The following CNGB3 variants were observed in gnomAD, a reference collection of about 807,000 sequenced individuals.
The protein encoded by CNGB3 is cyclic nucleotide-gated channel beta-3.
In CNGB3, 86 loss-of-function variants were observed where a neutral mutation model predicts 92.8. The observed-to-expected ratio is 0.93, with a 90% confidence interval of 0.78 to 1.11. CNGB3 has a LOEUF of 1.11. Ranked by LOEUF, CNGB3 falls within the 50% of genes least tolerant of loss-of-function variation. The pLI, the probability that CNGB3 is intolerant of heterozygous loss-of-function variation, is 0.00. For synonymous variants in CNGB3, 333 were observed against 332.7 expected (o/e 1.00, Z -0.01); for missense variants, 1,026 against 956.8 (o/e 1.07, Z -0.95).
At chr8:86,661,824 T>C (rs1823645514) in intron 6 of CNGB3, 11 of 1,504,316 alleles carry the variant, frequency 7.3e-6, no homozygotes, top group Non-Finnish European at 7.4e-6. Context: ...AAGGTAATTG[T>C]TGTTCTCAGT....
chr8:86,672,772 G>A (rs1057449447), intron 3 of CNGB3, among the ~76,000 whole-genome samples: 2 of 152,122 alleles, frequency 1.3e-5, no homozygotes, highest in African/African-American at 4.8e-5. Context: ...GACTACCCAT[G>A]TTTTTCTCTC....
intron 15 of CNGB3, among the ~76,000 whole-genome samples, chr8:86,583,344 T>A (rs574737556): frequency 6.6e-6 from 1 of 152,304 alleles, no homozygotes; most frequent in South Asian, 2.1e-4. Context: ...CATTCTGTTG[T>A]AAGGCACCAC....
At chr8:86,667,695 C>A (rs1173270729) in intron 5 of CNGB3, among the ~76,000 whole-genome samples, 1 of 152,144 alleles carries the variant, frequency 6.6e-6, no homozygotes, top group Non-Finnish European at 1.5e-5. Context: ...CAATGTGAAG[C>A]CATGGAAGAA....
intron 6 of CNGB3, chr8:86,658,602 C>T: frequency 2.8e-6 from 1 of 353,988 alleles, no homozygotes; most frequent in Non-Finnish European, 5.4e-6. Flanking sequence ...CTGCAGGTGA[C>T]CCAGGTACTG....
chr8:86,596,190 C>A (rs1277311910), intron 15 of CNGB3, among the ~76,000 whole-genome samples: 1 of 151,944 alleles, frequency 6.6e-6, no homozygotes, highest in African/African-American at 2.4e-5. Context: ...TAGAGAACTG[C>A]AAATTAAAAT....
rs1333947613 is a variant in CNGB3, at chr8:86,695,317, G to GGGGAGA, written c.339-24225_339-24220dup. On this transcript the variant is annotated intron_variant, in intron 3 of 17. Transcript: ENST00000320005. ...AGAGGGAGAGGGAGACCATGGGGAG[G>GGGGAGA]GGGAGAGGGAGAGGGAGAGGGAGAG... 1.2e-3 allele frequency among the ~76,000 whole-genome samples: 179 copies of GGGGAGA among 151,942 alleles called. 2 individuals carry two copies. Among genetic ancestry groups the GGGGAGA allele is most frequent in the African/African-American group, 4.2e-3 (173 of 41,424 alleles).
In CNGB3 at chr8:86,604,106, A is replaced by G. The variant is rs1234681080; in HGVS notation, c.1768T>C (p.Phe590Leu). ...TCTTTCAGATACCTGATTTCTCCAA[A>G]CACCGACCCAGCTTTCAGAGTAACC... ...VLVTLKAGSV[F>L]GEISLLAAGG... The change falls in exon 15 of 18, where the codon TTT becomes CTT. Residue 590 changes from phenylalanine to leucine, a missense_variant. Physicochemically the swap from Phe to Leu is conservative, Grantham distance 22 (BLOSUM62 0). Coordinates refer to ENST00000320005, the MANE Select transcript of CNGB3 (RefSeq NM_019098.5). 6.2e-7 allele frequency: 1 copy of G among 1,611,228 alleles called. No individual in the cohort carries two copies. Among genetic ancestry groups the G allele is most frequent in the South Asian group, 1.1e-5 (1 of 91,008 alleles).
chr8:86,593,384 C>G (rs1001203512), intron 15 of CNGB3, among the ~76,000 whole-genome samples: 3 of 152,154 alleles, frequency 2.0e-5, no homozygotes, highest in Admixed American at 6.5e-5. Context: ...TCAAAGAAGC[C>G]TATACTAATA....
At chr8:86,714,690 G>A (rs567527223) in intron 3 of CNGB3, among the ~76,000 whole-genome samples, 1 of 146,080 alleles carries the variant, frequency 6.8e-6, no homozygotes, top group African/African-American at 2.4e-5. Context: ...GGCTCCCTGA[G>A]ATGCTGAAAA....
chr8:86,593,923 G>T (rs1822111090), intron 15 of CNGB3: 4 of 572,036 alleles, frequency 7.0e-6, no homozygotes, highest in South Asian at 3.3e-5. Context: ...TGTGCCAGGG[G>T]CAGAAGGAGT....
intron 3 of CNGB3, among the ~76,000 whole-genome samples, chr8:86,725,430 G>A (rs989114002): frequency 2.2e-4 from 33 of 152,106 alleles, no homozygotes; most frequent in African/African-American, 7.7e-4. Flanking sequence ...TAAATAATTA[G>A]TTGTTCTCTT....
At chr8:86,722,942 C>A (rs756814046) in intron 3 of CNGB3, among the ~76,000 whole-genome samples, 1 of 152,106 alleles carries the variant, frequency 6.6e-6, no homozygotes, top group African/African-American at 2.4e-5. Flanking sequence ...GGACTCTCAG[C>A]CTCCATAATC....
chr8:86,653,709 G>A (rs1353734893), intron 7 of CNGB3, among the ~76,000 whole-genome samples: 1 of 152,092 alleles, frequency 6.6e-6, no homozygotes, highest in African/African-American at 2.4e-5. Context: ...TTAATTGGGG[G>A]CTAGAATTTT....
At chr8:86,651,102 A>T (rs1388779375) in intron 7 of CNGB3, among the ~76,000 whole-genome samples, 1 of 151,640 alleles carries the variant, frequency 6.6e-6, no homozygotes, top group African/African-American at 2.4e-5. Flanking sequence ...AGTGGGAGCT[A>T]AGCTCTGAGT....
chr8:86,578,510 G>A (rs1206821368), intron 17 of CNGB3, among the ~76,000 whole-genome samples, 179 bp downstream of exon 17: 2 of 152,168 alleles, frequency 1.3e-5, no homozygotes, highest in Admixed American at 6.5e-5. Context: ...TAAATGTGAT[G>A]ATATGTGGGA....
chr8:86,704,736 T>A (rs1284001607), intron 3 of CNGB3, among the ~76,000 whole-genome samples: 1 of 152,236 alleles, frequency 6.6e-6, no homozygotes, highest in Non-Finnish European at 1.5e-5. Context: ...GTTCTTTTCA[T>A]ACAGCACTGG....
intron 3 of CNGB3, among the ~76,000 whole-genome samples, chr8:86,715,034 C>A (rs315972): frequency 0.25 from 37,298 of 151,998 alleles, 5,038 homozygotes; most frequent in Middle Eastern, 0.4. Context: ...CGCCTACCCC[C>A]ACCTGGTGGT....
At chr8:86,739,992 T>C (rs1395478990) in intron 1 of CNGB3, among the ~76,000 whole-genome samples, 2 of 152,198 alleles carry the variant, frequency 1.3e-5, no homozygotes, top group African/African-American at 4.8e-5. Flanking sequence ...TTCCTTCAAT[T>C]GTGGTCTTTA....
intron 6 of CNGB3, among the ~76,000 whole-genome samples, chr8:86,662,444 G>C (rs1483757566): frequency 6.6e-6 from 1 of 152,180 alleles, no homozygotes; most frequent in Non-Finnish European, 1.5e-5. Flanking sequence ...ACAAATAGGA[G>C]ACAAGAGGGA....
Sources: allele counts gnomAD v4.1 joint callset (sites outside exome capture counted in the v4.1 genomes callset), GRCh38; gene constraint gnomAD v4.1.1; transcripts MANE v1.5; gene names NCBI Gene and HGNC (gene_info 2026-07-23, HGNC 2026-07-21).